Variants in RMDN2 observed in about 807,000 individuals in gnomAD.
RMDN2 encodes the protein regulator of microtubule dynamics 2.
In RMDN2, 61 loss-of-function variants were observed where a neutral mutation model predicts 52.8. That is an observed-to-expected ratio of 1.16 (90% confidence interval 0.94 to 1.43). The LOEUF (loss-of-function observed/expected upper bound fraction) is 1.43. Among genes scored for constraint, RMDN2 ranks in the 40% most tolerant of loss-of-function variants. The probability of loss-of-function intolerance (pLI) is 0.00; values close to 1 mark genes in which losing one functional copy is unlikely to be tolerated. For missense variants in RMDN2, 592 were observed against 475.3 expected, an observed-to-expected ratio of 1.25 and a Z score of -2.28; for synonymous variants, 180 against 153.1, an observed-to-expected ratio of 1.18 and a Z score of -1.30.
At chr2:37,928,849 A>C (rs1419423951) in intron 1 of RMDN2, 4 of 152,280 alleles carry the variant, frequency 2.6e-5, no homozygotes, top group East Asian at 1.9e-4. Flanking sequence ...CCATTTTCGC[A>C]CTTAATAATG....
At chr2:37,990,550 T>C (rs564456937) in intron 6 of RMDN2, among the ~76,000 whole-genome samples, 2 of 146,742 alleles carry the variant, frequency 1.4e-5, no homozygotes, top group Admixed American at 6.7e-5. Flanking sequence ...AAAAGGCCTT[T>C]TGGTCATAAG....
intron 10 of RMDN2, among the ~76,000 whole-genome samples, chr2:38,004,937 C>G (rs1008830687): frequency 1.3e-5 from 2 of 151,770 alleles, no homozygotes; most frequent in African/African-American, 4.8e-5. Flanking sequence ...CTATGAGTGA[C>G]AACATGTGGT....
intron 2 of RMDN2, among the ~76,000 whole-genome samples, chr2:37,945,858 C>A (rs536422390): frequency 6.6e-6 from 1 of 152,186 alleles, no homozygotes; most frequent in South Asian, 2.1e-4. Context: ...CTTACTCATC[C>A]CCACTTAAGA....
chr2:37,942,893 G>C lies in RMDN2; in HGVS notation c.452+13164G>C, dbSNP rs148682561. 3.2e-3 allele frequency among the ~76,000 whole-genome samples: 484 copies of C among 152,328 alleles called. 2 individuals carry two copies. Among genetic ancestry groups the C allele is most frequent in the African/African-American group, 0.011 (452 of 41,560 alleles). ...AGAAAATCTAGCAAGATGGTAAAGA[G>C]TGATGCTTTTGGCCTTTTAGGATTC... On this transcript the variant is annotated intron_variant, in intron 2 of 10. Transcript: ENST00000354545.
intron 10 of RMDN2, among the ~76,000 whole-genome samples, chr2:38,048,616 T>C (rs928243097): frequency 6.6e-6 from 1 of 152,114 alleles, no homozygotes; most frequent in Non-Finnish European, 1.5e-5. Flanking sequence ...AACAGAAACC[T>C]GAAGACTCAG....
intron 10 of RMDN2, among the ~76,000 whole-genome samples, chr2:38,057,765 T>C (rs1456198646): frequency 6.6e-6 from 1 of 152,152 alleles, no homozygotes; most frequent in Non-Finnish European, 1.5e-5. Flanking sequence ...TGAGATCTGG[T>C]TGTTTAAAAG....
intron 4 of RMDN2, among the ~76,000 whole-genome samples, chr2:37,977,380 C>T (rs544982686): frequency 6.9e-4 from 105 of 152,138 alleles, no homozygotes; most frequent in Non-Finnish European, 1.3e-3. Flanking sequence ...GGGTGGTGGC[C>T]GGGCAGAGGG....
intron 10 of RMDN2, among the ~76,000 whole-genome samples, chr2:38,024,819 C>A (rs997567461): frequency 6.6e-6 from 1 of 152,102 alleles, no homozygotes; most frequent in African/African-American, 2.4e-5. Flanking sequence ...TGCCTTTGTA[C>A]CTTTCTCAAA....
intron 2 of RMDN2, among the ~76,000 whole-genome samples, chr2:37,972,904 G>C (rs1671990914): frequency 6.6e-6 from 1 of 152,202 alleles, no homozygotes; most frequent in African/African-American, 2.4e-5. Context: ...TATTGAAGAA[G>C]TGGGAGATCA....
At chr2:38,044,519 G>A (rs1048269214) in intron 10 of RMDN2, among the ~76,000 whole-genome samples, 2 of 150,580 alleles carry the variant, frequency 1.3e-5, no homozygotes, top group African/African-American at 4.9e-5. Flanking sequence ...TTATGCATAT[G>A]TTACACCTTC....
upstream of RMDN2, among the ~76,000 whole-genome samples, chr2:37,921,265 C>T (rs1278457086): frequency 6.6e-6 from 1 of 152,132 alleles, no homozygotes; most frequent in African/African-American, 2.4e-5. Context: ...ATTTAATAAG[C>T]TTATCCTAAT....
At chr2:37,927,927 A>G (rs543389126) in intron 1 of RMDN2, among the ~76,000 whole-genome samples, 1 of 152,176 alleles carries the variant, frequency 6.6e-6, no homozygotes, top group Non-Finnish European at 1.5e-5. Flanking sequence ...GAGTGGGCAG[A>G]TGGTTATAGT....
intron 10 of RMDN2, among the ~76,000 whole-genome samples, chr2:38,004,774 A>G (rs995836737): frequency 3.3e-5 from 5 of 151,494 alleles, no homozygotes; most frequent in Non-Finnish European, 7.4e-5. Context: ...TATATGTGCC[A>G]TGTTGGTGTG....
chr2:38,014,713 A>G (rs114794222), intron 10 of RMDN2, among the ~76,000 whole-genome samples: 1,881 of 152,318 alleles, frequency 0.012, 43 homozygotes, highest in African/African-American at 0.042. Context: ...ATTTTTGAAT[A>G]TGTGTGTTTG....
intron 10 of RMDN2, among the ~76,000 whole-genome samples, chr2:38,040,254 T>C (rs1232367404): frequency 1.3e-5 from 2 of 152,122 alleles, no homozygotes; most frequent in African/African-American, 4.8e-5. Flanking sequence ...AATACCACGC[T>C]GTCTTTATAA....
At chr2:37,925,040 G>A (rs116201305), upstream of RMDN2, among the ~76,000 whole-genome samples, 3,813 of 152,324 alleles carry the variant, frequency 0.025, 138 homozygotes, top group African/African-American at 0.087. Context: ...AACGCGAGAG[G>A]GAACGCGCTG....
chr2:37,969,299 G>T (rs1045806548), intron 2 of RMDN2, among the ~76,000 whole-genome samples: 11 of 151,866 alleles, frequency 7.2e-5, no homozygotes, highest in Non-Finnish European at 1.5e-4. Context: ...ATAAATTAAT[G>T]TGGAGCCTTA....
chr2:37,975,892 GA>G (rs960302035), intron 4 of RMDN2, among the ~76,000 whole-genome samples: 10 of 152,050 alleles, frequency 6.6e-5, no homozygotes, highest in Non-Finnish European at 1.3e-4. Flanking sequence ...ATAGGTAACT[GA>G]AAAAAACTTA....
chr2:38,009,653 G>A lies in RMDN2; in HGVS notation c.1179+5437G>A, dbSNP rs542502258. Among the ~76,000 whole-genome samples the A allele has an allele frequency of 7.2e-5, 11 of 152,040 alleles. No homozygotes were observed. In the East Asian group the frequency reaches 2.1e-3, roughly 29 times the overall value. On this transcript the variant is annotated intron_variant, in intron 10 of 10. Coordinates refer to ENST00000354545, the MANE Select transcript of RMDN2 (RefSeq NM_001170791.3). ...TTTTTAACTTCTTTGCCATGGTTTC[G>A]AACTTCCTCCTTTAGCTCGGAGTAG...
Sources: gnomAD v4.1 joint callset for allele counts (sites outside exome capture counted in the v4.1 genomes callset) on GRCh38, gnomAD v4.1.1 for gene constraint, MANE v1.5 for transcripts, NCBI Gene and HGNC (gene_info 2026-07-23, HGNC 2026-07-21) for gene names.